The following ZFHX3 variants were observed in gnomAD, a reference collection of about 807,000 sequenced individuals.
ZFHX3 encodes zinc finger homeobox 3.
A neutral mutation model predicts 279.1 loss-of-function variants in ZFHX3; 42 were observed. The observed-to-expected ratio is 0.15, with a 90% confidence interval of 0.12 to 0.19. The LOEUF is 0.19. Among genes scored for constraint, ZFHX3 ranks in the 10% least tolerant of loss-of-function variants. The pLI, the probability that ZFHX3 is intolerant of heterozygous loss-of-function variation, is 1.00. For missense variants in ZFHX3, 4,981 were observed against 4,754.0 expected (o/e 1.05, Z -1.40); for synonymous variants, 2,293 against 1,957.8 (o/e 1.17, Z -4.52).
chr16:73,585,729 T>C (rs1163678197), intron 2 of ZFHX3, among the ~76,000 whole-genome samples: 1 of 152,226 alleles, frequency 6.6e-6, no homozygotes, highest in Non-Finnish European at 1.5e-5. Context: ...TAATGACTTG[T>C]GGGATTAAAT....
chr16:73,133,680 A>T (rs1966737727), intron 6 of ZFHX3, among the ~76,000 whole-genome samples: 1 of 152,188 alleles, frequency 6.6e-6, no homozygotes, highest in Admixed American at 6.5e-5. Flanking sequence ...CAGAATTATG[A>T]GAAAATAAAT....
intron 3 of ZFHX3, among the ~76,000 whole-genome samples, chr16:72,931,533 C>T (rs1052523224): frequency 6.3e-5 from 9 of 142,666 alleles, no homozygotes; most frequent in African/African-American, 5.3e-5. Context: ...TAACTTCCAA[C>T]GTACCGACAG....
chr16:73,541,211 G>C (rs1375551636), intron 2 of ZFHX3, among the ~76,000 whole-genome samples: 2 of 152,170 alleles, frequency 1.3e-5, no homozygotes, highest in Non-Finnish European at 2.9e-5. Flanking sequence ...ACCCCACGAA[G>C]TATTAAACAC....
intron 3 of ZFHX3, among the ~76,000 whole-genome samples, chr16:73,397,335 T>G (rs1315785281): frequency 6.6e-6 from 1 of 151,720 alleles, no homozygotes; most frequent in Non-Finnish European, 1.5e-5. Context: ...AATAGAAGAG[T>G]GGCATGACTG....
At chr16:73,182,446 G>C (rs1404688124) in intron 5 of ZFHX3, among the ~76,000 whole-genome samples, 1 of 152,166 alleles carries the variant, frequency 6.6e-6, no homozygotes, top group Non-Finnish European at 1.5e-5. Flanking sequence ...GGCAGAGAGA[G>C]ACTCTGTCGC....
intron 4 of ZFHX3, among the ~76,000 whole-genome samples, chr16:73,285,565 T>A (rs2014574951): frequency 6.6e-6 from 1 of 152,238 alleles, no homozygotes; most frequent in Admixed American, 6.5e-5. Flanking sequence ...CATCTGTGGC[T>A]CTGCCTCATG....
intron 3 of ZFHX3, among the ~76,000 whole-genome samples, chr16:73,336,191 A>G (rs988006744): frequency 1.3e-5 from 2 of 152,190 alleles, no homozygotes; most frequent in African/African-American, 4.8e-5. Flanking sequence ...AGCACCAGGG[A>G]CTGTGCAAAG....
At chr16:73,615,991 G>C (rs1004433702) in intron 2 of ZFHX3, among the ~76,000 whole-genome samples, 1 of 152,070 alleles carries the variant, frequency 6.6e-6, no homozygotes, top group Non-Finnish European at 1.5e-5. Context: ...ACGGTTCAGG[G>C]GAGACATAAA....
At chr16:73,457,904 C>G (rs2018401260) in intron 2 of ZFHX3, among the ~76,000 whole-genome samples, 1 of 152,238 alleles carries the variant, frequency 6.6e-6, no homozygotes, top group South Asian at 2.1e-4. Flanking sequence ...GAGTTCCTTT[C>G]CATCCCAACT....
intron 2 of ZFHX3, among the ~76,000 whole-genome samples, chr16:73,582,780 A>G (rs1419292742): frequency 1.3e-5 from 2 of 151,798 alleles, no homozygotes; most frequent in Non-Finnish European, 2.9e-5. Context: ...CCTGGCCATT[A>G]ACTATTTTTT....
chr16:73,749,426 T>C (rs1264321981), intron 1 of ZFHX3, among the ~76,000 whole-genome samples: 1 of 152,100 alleles, frequency 6.6e-6, no homozygotes, highest in Non-Finnish European at 1.5e-5. Flanking sequence ...TATAGACCCA[T>C]CTCATCTGTA....
At chr16:73,409,160 G>T (rs2017419355) in intron 3 of ZFHX3, among the ~76,000 whole-genome samples, 1 of 152,132 alleles carries the variant, frequency 6.6e-6, no homozygotes, top group South Asian at 2.1e-4. Context: ...AATACCTTTT[G>T]GTTTATAGCA....
At chr16:73,877,968 G>A (rs2030008686) in intron 1 of ZFHX3, among the ~76,000 whole-genome samples, 1 of 151,870 alleles carries the variant, frequency 6.6e-6, no homozygotes, top group Non-Finnish European at 1.5e-5. Context: ...ATTTAACAGA[G>A]AAAGCTTCAT....
intron 3 of ZFHX3, among the ~76,000 whole-genome samples, chr16:73,451,729 G>C (rs1198122895): frequency 6.6e-6 from 1 of 152,144 alleles, no homozygotes; most frequent in Non-Finnish European, 1.5e-5. Context: ...CCCCAGATGG[G>C]AGATCCTTAG....
intron 2 of ZFHX3, among the ~76,000 whole-genome samples, chr16:72,951,177 G>C (rs561234441): frequency 6.6e-6 from 1 of 152,190 alleles, no homozygotes; most frequent in Admixed American, 6.5e-5. Context: ...GACATTCTGA[G>C]ATTTCTGGCA....
chr16:73,103,956 G>A (rs1045058753), intron 7 of ZFHX3, among the ~76,000 whole-genome samples: 8 of 152,242 alleles, frequency 5.3e-5, no homozygotes, highest in Non-Finnish European at 8.8e-5. Context: ...CTAACTGAAG[G>A]CACTCTGATT....
intron 3 of ZFHX3, among the ~76,000 whole-genome samples, chr16:72,933,479 G>GA (rs56387949): frequency 0.041 from 6,193 of 150,880 alleles, 299 homozygotes; most frequent in African/African-American, 0.1. Context: ...GAGATGAGTT[G>GA]AAAAAAAAAT....
At chr16:72,862,418 G>A (rs1431869335) in intron 4 of ZFHX3, among the ~76,000 whole-genome samples, 4 of 152,338 alleles carry the variant, frequency 2.6e-5, no homozygotes, top group South Asian at 2.1e-4. Context: ...TGCCTTTGCA[G>A]TATTCAGGGT....
intron 7 of ZFHX3, among the ~76,000 whole-genome samples, chr16:72,805,600 C>T (rs891134175): frequency 6.6e-6 from 1 of 152,194 alleles, no homozygotes; most frequent in Non-Finnish European, 1.5e-5. Context: ...AAGTTAAAAG[C>T]CAGCTGCTTT....
Sources: allele counts gnomAD v4.1 joint callset (sites outside exome capture counted in the v4.1 genomes callset), GRCh38; gene constraint gnomAD v4.1.1; transcripts MANE v1.5; gene names NCBI Gene and HGNC (gene_info 2026-07-23, HGNC 2026-07-21).